The following WWOX variants were observed in gnomAD, a reference collection of about 807,000 sequenced individuals.
WWOX encodes the protein WW domain containing oxidoreductase.
A neutral mutation model predicts 46.2 loss-of-function variants in WWOX; 69 were observed. The observed-to-expected ratio is 1.49, with a 90% CI of 1.23 to 1.82. The LOEUF is 1.82. WWOX is among the 40% of genes most tolerant of loss of function. The pLI, the probability that WWOX is intolerant of heterozygous loss-of-function variation, is 0.00. For missense variants in WWOX, 919 were observed against 542.6 expected, an observed-to-expected ratio of 1.69 and a Z score of -6.89; for synonymous variants, 359 against 202.6, an observed-to-expected ratio of 1.77 and a Z score of -6.56.
At chr16:79,138,876 CCA>C (rs2150711025) in intron 8 of WWOX, among the ~76,000 whole-genome samples, 1 of 152,278 alleles carries the variant, frequency 6.6e-6, no homozygotes, top group East Asian at 1.9e-4. Flanking sequence ...GATATGCTAT[CCA>C]CAGGAGCAGA....
At chr16:78,268,099 G>A (rs932316641) in intron 5 of WWOX, among the ~76,000 whole-genome samples, 1 of 152,218 alleles carries the variant, frequency 6.6e-6, no homozygotes, top group Non-Finnish European at 1.5e-5. Flanking sequence ...GATTACAGGC[G>A]TGAGCCGCCG....
chr16:78,810,561 C>G (rs1223344267), intron 8 of WWOX, among the ~76,000 whole-genome samples: 3 of 152,168 alleles, frequency 2.0e-5, no homozygotes, highest in Non-Finnish European at 2.9e-5. Context: ...CTGATTAAAG[C>G]ATTTCCCTGC....
chr16:79,026,439 C>G (rs1161710209), intron 8 of WWOX, among the ~76,000 whole-genome samples: 1 of 151,596 alleles, frequency 6.6e-6, no homozygotes, highest in Non-Finnish European at 1.5e-5. Context: ...TCTCTGGGAA[C>G]TGTGTCCCCT....
intron 8 of WWOX, among the ~76,000 whole-genome samples, chr16:79,143,382 G>C (rs1008562306): frequency 4.6e-5 from 7 of 152,252 alleles, no homozygotes; most frequent in African/African-American, 1.7e-4. Flanking sequence ...AATTTTAACT[G>C]TGCCTGAAGA....
chr16:78,996,071 A>G, intron 8 of WWOX: 1 of 384,972 alleles, frequency 2.6e-6, no homozygotes, highest in Non-Finnish European at 3.6e-6. Context: ...CCAGATCCAA[A>G]AAGTTATTTT....
At chr16:78,319,343 G>C (rs1433549576) in intron 5 of WWOX, among the ~76,000 whole-genome samples, 10 of 152,150 alleles carry the variant, frequency 6.6e-5, no homozygotes, top group Non-Finnish European at 1.5e-4. Context: ...GGAGTGCAGT[G>C]GCGCTATCAT....
chr16:78,517,279 C>T (rs2043254186), intron 8 of WWOX, among the ~76,000 whole-genome samples: 1 of 152,132 alleles, frequency 6.6e-6, no homozygotes. Flanking sequence ...TACCCAAATG[C>T]CTTTTCTTGC....
At chr16:78,592,820 T>C (rs1428834491) in intron 8 of WWOX, among the ~76,000 whole-genome samples, 2 of 152,230 alleles carry the variant, frequency 1.3e-5, no homozygotes, top group Non-Finnish European at 2.9e-5. Context: ...TTTCTCTTTC[T>C]GCTTTGTGAC....
intron 8 of WWOX, chr16:78,825,976 T>C: frequency 1.3e-6 from 1 of 772,794 alleles, no homozygotes; most frequent in Non-Finnish European, 2.1e-6. Context: ...CAGAGCCGCC[T>C]GCTATGCCCC....
chr16:79,066,525 G>A (rs1475714843), intron 8 of WWOX, among the ~76,000 whole-genome samples: 4 of 152,158 alleles, frequency 2.6e-5, no homozygotes, highest in Non-Finnish European at 5.9e-5. Context: ...GGAAGGGAGG[G>A]AAGGAAGGAG....
intron 8 of WWOX, among the ~76,000 whole-genome samples, chr16:78,771,611 G>A (rs1312263020): frequency 6.6e-6 from 1 of 151,958 alleles, no homozygotes; most frequent in Admixed American, 6.6e-5. Flanking sequence ...GTTTCTACTA[G>A]AAATACAAAA....
chr16:78,690,744 A>G (rs891851015), intron 8 of WWOX, among the ~76,000 whole-genome samples: 3 of 152,198 alleles, frequency 2.0e-5, no homozygotes, highest in Non-Finnish European at 2.9e-5. Context: ...AACTTCTACC[A>G]TTAAGTCCCT....
Position 78,286,699 on chromosome 16 carries a change from A to G in WWOX, c.517-100161A>G, listed in dbSNP as rs189962676. Among the ~76,000 whole-genome samples, 768 of 152,254 alleles carry G rather than the reference A, an allele frequency of 5.0e-3. 11 individuals are homozygous for G. Among genetic ancestry groups the G allele is most frequent in the African/African-American group, 0.018 (743 of 41,540 alleles). ...CTCTTCATACTCAAAGCAGTAAAAA[A>G]TAAAATAAAATAAAATACAATGAAT... On this transcript the variant is annotated intron_variant, in intron 5 of 8. Coordinates refer to ENST00000566780, the MANE Select transcript of WWOX (RefSeq NM_016373.4).
chr16:78,287,812 A>AT (rs1163486270), intron 5 of WWOX, among the ~76,000 whole-genome samples: 4 of 152,202 alleles, frequency 2.6e-5, no homozygotes, highest in Non-Finnish European at 4.4e-5. Flanking sequence ...TTTTTTTAAG[A>AT]TCAATTATGT....
intron 8 of WWOX, among the ~76,000 whole-genome samples, chr16:78,835,895 C>G (rs768430252): frequency 5.3e-5 from 8 of 152,124 alleles, no homozygotes; most frequent in Non-Finnish European, 1.0e-4. Flanking sequence ...TTTACGTAAA[C>G]AGAGCTCTGA....
At chr16:78,637,690 A>G (rs1035332959) in intron 8 of WWOX, among the ~76,000 whole-genome samples, 1 of 152,214 alleles carries the variant, frequency 6.6e-6, no homozygotes, top group Non-Finnish European at 1.5e-5. Context: ...GCTCAGAGCT[A>G]AGCGCGGAGT....
At chr16:78,503,065 A>C (rs1321259171) in intron 8 of WWOX, among the ~76,000 whole-genome samples, 1 of 152,226 alleles carries the variant, frequency 6.6e-6, no homozygotes, top group African/African-American at 2.4e-5. Context: ...GCCTTCTAAC[A>C]ACATTGCCTT....
At chr16:78,223,823 A>G (rs1458236868) in intron 5 of WWOX, among the ~76,000 whole-genome samples, 2 of 152,216 alleles carry the variant, frequency 1.3e-5, no homozygotes, top group African/African-American at 2.4e-5. Context: ...CAGCAGCACA[A>G]CAAAATAGCC....
chr16:78,397,246 G>A (rs1403065606), intron 6 of WWOX, among the ~76,000 whole-genome samples: 1 of 151,230 alleles, frequency 6.6e-6, no homozygotes, highest in South Asian at 2.1e-4. Context: ...TTTCAATAAC[G>A]AAGATACTGA....
Sources: gnomAD v4.1 joint callset for allele counts (sites outside exome capture counted in the v4.1 genomes callset) on GRCh38, gnomAD v4.1.1 for gene constraint, MANE v1.5 for transcripts, NCBI Gene and HGNC (gene_info 2026-07-23, HGNC 2026-07-21) for gene names.